CACNG3: variants seen among roughly 807,000 people sequenced by gnomAD.
The protein encoded by CACNG3 is calcium voltage-gated channel auxiliary subunit gamma 3.
A neutral mutation model predicts 28.5 loss-of-function variants in CACNG3; 3 were observed. The observed-to-expected ratio is 0.11, with a 90% CI of 0.05 to 0.27. CACNG3 has a LOEUF of 0.27. Ranked by LOEUF, CACNG3 falls within the 10% of genes least tolerant of loss-of-function variation. The probability of loss-of-function intolerance (pLI) is 1.00; values close to 1 mark genes in which losing one functional copy is unlikely to be tolerated. For synonymous variants in CACNG3, 174 were observed against 162.2 expected, an observed-to-expected ratio of 1.07 and a Z score of -0.55; for missense variants, 236 against 414.4, an observed-to-expected ratio of 0.57 and a Z score of 3.74.
intron 2 of CACNG3, among the ~76,000 whole-genome samples, chr16:24,347,269 G>A (rs545130674): frequency 6.6e-6 from 1 of 152,266 alleles, no homozygotes; most frequent in Non-Finnish European, 1.5e-5. Context: ...AGTGAGCTAT[G>A]ATCATACCAC....
chr16:24,301,790 A>G (rs780606745), intron 1 of CACNG3, among the ~76,000 whole-genome samples: 4 of 152,212 alleles, frequency 2.6e-5, no homozygotes, highest in Non-Finnish European at 5.9e-5. Context: ...CCAAGAGAGC[A>G]CTATTCTATT....
chr16:24,310,911 C>A (rs1052207276), intron 1 of CACNG3, among the ~76,000 whole-genome samples: 5 of 152,132 alleles, frequency 3.3e-5, no homozygotes, highest in Non-Finnish European at 5.9e-5. Flanking sequence ...AGTCAGTATG[C>A]ACAAATTGGC....
At chr16:24,263,454 A>G (rs1451478236) in intron 1 of CACNG3, among the ~76,000 whole-genome samples, 6 of 152,216 alleles carry the variant, frequency 3.9e-5, no homozygotes, top group African/African-American at 1.4e-4. Flanking sequence ...CTGAGGTTAA[A>G]CAGAACTGTA....
chr16:24,347,345 GGAGAAT>G (rs560765438), intron 2 of CACNG3, among the ~76,000 whole-genome samples: 3 of 151,714 alleles, frequency 2.0e-5, no homozygotes, highest in Admixed American at 1.3e-4. Context: ...AGAAAGAAAA[GGAGAAT>G]GAGAATGAGA....
chr16:24,341,393 A>G (rs1158025210), intron 1 of CACNG3, among the ~76,000 whole-genome samples: 6 of 152,168 alleles, frequency 3.9e-5, no homozygotes, highest in East Asian at 1.9e-4. Context: ...CATGGCGCCA[A>G]TGTGTCTCTT....
At chr16:24,357,977 G>A (rs112363500) in intron 3 of CACNG3, among the ~76,000 whole-genome samples, 39 of 152,312 alleles carry the variant, frequency 2.6e-4, no homozygotes, top group South Asian at 1.9e-3. Context: ...GAAGCCTGAC[G>A]GGAAGGCAGA....
chr16:24,334,152 C>T lies in CACNG3; in HGVS notation c.212-12582C>T, dbSNP rs138504565. Among the ~76,000 whole-genome samples, 575 of 152,276 alleles carry T rather than the reference C, an allele frequency of 3.8e-3. 5 individuals carry two copies. Among genetic ancestry groups the T allele is most frequent in the Middle Eastern group, 0.01 (3 of 294 alleles). ...TGATATCATAAAGCAAAAATCTTCACAAAAGAGTTCTAGCAAAAGACCTAC... is the reference window on the plus strand; with the variant it reads ...TGATATCATAAAGCAAAAATCTTCATAAAAGAGTTCTAGCAAAAGACCTAC... On this transcript the variant is annotated intron_variant, in intron 1 of 3. Coordinates refer to ENST00000005284, the MANE Select transcript of CACNG3 (RefSeq NM_006539.4).
intron 1 of CACNG3, among the ~76,000 whole-genome samples, chr16:24,271,585 T>C (rs1898691055): frequency 6.6e-6 from 1 of 152,144 alleles, no homozygotes; most frequent in Non-Finnish European, 1.5e-5. Flanking sequence ...GTGAGTGATT[T>C]GAATTTAGGG....
intron 1 of CACNG3, among the ~76,000 whole-genome samples, chr16:24,343,538 G>T (rs1364361736): frequency 6.6e-6 from 1 of 152,198 alleles, no homozygotes; most frequent in Non-Finnish European, 1.5e-5. Context: ...GGGAAGCATA[G>T]TTAATGGAGA....
chr16:24,270,434 A>C (rs1340392750), intron 1 of CACNG3, among the ~76,000 whole-genome samples: 1 of 152,250 alleles, frequency 6.6e-6, no homozygotes, highest in East Asian at 1.9e-4. Flanking sequence ...CAGGCAATCA[A>C]AATGCTCTGG....
chr16:24,361,925 T>C lies in CACNG3; in HGVS notation c.*62T>C. On this transcript the variant is annotated 3_prime_UTR_variant, in exon 4 of 4. Transcript: ENST00000005284. The surrounding 1 kb of genome is among the most constrained non-coding windows in gnomAD (Gnocchi z 6.8). Reference sequence around the variant, plus strand: ...CTTGGGGGAAGTGTACAGAGATGTCTCTGAGGTTGCATGGCATGGTCCTTG... The same window carrying C: ...CTTGGGGGAAGTGTACAGAGATGTCCCTGAGGTTGCATGGCATGGTCCTTG... 1 of 1,467,410 alleles carries C rather than the reference T, an allele frequency of 6.8e-7. No homozygotes were observed. Among genetic ancestry groups the C allele is most frequent in the Non-Finnish European group, 9.1e-7 (1 of 1,094,280 alleles). The allele number at this position is 1,467,410 out of a possible 1,614,324, so 90.9% of individuals were successfully genotyped here. A position where few individuals can be genotyped will look rare whatever the true frequency, so the allele number is the denominator to read the frequency against.
intron 1 of CACNG3, among the ~76,000 whole-genome samples, chr16:24,335,935 CAA>C (rs35275526): frequency 6.6e-5 from 10 of 150,844 alleles, no homozygotes; most frequent in Non-Finnish European, 1.3e-4. Flanking sequence ...AAATAAAAAA[CAA>C]AAAAAAAATC....
intron 1 of CACNG3, among the ~76,000 whole-genome samples, chr16:24,312,992 AAAG>A (rs1275075316): frequency 1.3e-5 from 2 of 150,782 alleles, no homozygotes; most frequent in Admixed American, 6.6e-5. Context: ...TAAAAGAAAG[AAAG>A]AAAGAAAGAA....
chr16:24,281,671 G>A (rs889071736), intron 1 of CACNG3, among the ~76,000 whole-genome samples: 5 of 152,178 alleles, frequency 3.3e-5, no homozygotes, highest in Non-Finnish European at 1.5e-5. Flanking sequence ...CCTGAGTCAC[G>A]TGATTCAATC....
intron 1 of CACNG3, among the ~76,000 whole-genome samples, chr16:24,300,347 G>A (rs970251976): frequency 1.1e-4 from 17 of 152,216 alleles, no homozygotes; most frequent in East Asian, 5.8e-4. Context: ...CAGGTTACGC[G>A]TGTGAGAAGG....
chr16:24,257,043 G>A (rs1402115538), intron 1 of CACNG3, 78 bp downstream of exon 1: 3 of 905,370 alleles, frequency 3.3e-6, no homozygotes, highest in Non-Finnish European at 5.4e-6. Flanking sequence ...AGATGGAAAT[G>A]GTGATAAGGA....
chr16:24,287,298 A>G (rs1898907089), intron 1 of CACNG3, among the ~76,000 whole-genome samples: 1 of 151,910 alleles, frequency 6.6e-6, no homozygotes, highest in African/African-American at 2.4e-5. Flanking sequence ...CGGGTGGATC[A>G]CTTGAGGCCA....
At chr16:24,273,446 T>C (rs1418076805) in intron 1 of CACNG3, among the ~76,000 whole-genome samples, 65 of 152,332 alleles carry the variant, frequency 4.3e-4, no homozygotes, top group Admixed American at 4.1e-3. Flanking sequence ...TTTTATAGAA[T>C]GAGAAAGTTC....
In CACNG3 at chr16:24,362,062, A is replaced by G. The variant is rs545662251; in HGVS notation, c.*199A>G. The G allele has an allele frequency of 1.7e-5, 9 of 524,770 alleles. No individual in the cohort carries two copies. The East Asian group carries it at 2.7e-4, about 16-fold the overall frequency. 32.5% of individuals were successfully genotyped at this position (524,770 alleles called of 1,614,324 possible). A position where few individuals can be genotyped will look rare whatever the true frequency, so the allele number is the denominator to read the frequency against. On this transcript the variant is annotated 3_prime_UTR_variant, in exon 4 of 4. Coordinates refer to ENST00000005284, the MANE Select transcript of CACNG3 (RefSeq NM_006539.4). ...TCCATCCTCTCTAACTTTTCAAGCC[A>G]ATCCCTTAATGTCATTCCTCTCTCT...
Sources: gnomAD v4.1 joint callset for allele counts (sites outside exome capture counted in the v4.1 genomes callset) on GRCh38, gnomAD v4.1.1 for gene constraint, Gnocchi (gnomAD v3.1) non-coding constraint, MANE v1.5 for transcripts, NCBI Gene and HGNC (gene_info 2026-07-23, HGNC 2026-07-21) for gene names.